The following HOXB9 variants were observed in gnomAD, a reference collection of about 807,000 sequenced individuals.
HOXB9 encodes homeobox B9.
HOXB9 carries 10 observed loss-of-function variants against 21.5 expected under a neutral mutation model. That is an observed-to-expected ratio of 0.47 (90% CI 0.29 to 0.79). The LOEUF is 0.79. Among genes scored for constraint, HOXB9 ranks in the 30% least tolerant of loss-of-function variants. The pLI is 0.10. For missense variants in HOXB9, 375 were observed against 338.7 expected (o/e 1.11, Z -0.84); for synonymous variants, 156 against 151.2 (o/e 1.03, Z -0.23).
rs368404086 is a variant in HOXB9 at position 48,626,217 on chromosome 17, T to G, written c.53A>C (p.His18Pro). 165 of 1,598,898 alleles carry G rather than the reference T, an allele frequency of 1.0e-4. No individual in the cohort carries two copies. The highest frequency in any genetic ancestry group is 1.4e-4 in the Non-Finnish European group (161 of 1,179,694). Residue 18 changes from histidine (H) to proline (P), a missense_variant, in exon 1 of 2, where the codon CAC becomes CCC. His to Pro is a moderately conservative substitution (Grantham distance 77). Transcript: ENST00000311177. ...SSYYVDSIISHESEDAPPAKF... is the reference protein window; with the variant it reads ...SSYYVDSIISPESEDAPPAKF... ...GGCTGGAGGCGCGTCCTCACTCTCG[T>G]GACTTATGATCGAGTCGACATAATA...
In HOXB9 at chr17:48,622,660, G is replaced by A. The variant is rs1440171322; in HGVS notation, c.*240C>T. The stretch of plus-strand genomic sequence containing the variant: ...TCCTTGTGGCCCATCACATTCTTAG[G>A]AACCAACTATTTCTATCTTCTAAAT... On this transcript the variant is annotated 3_prime_UTR_variant, in exon 2 of 2. Coordinates refer to ENST00000311177, the MANE Select transcript of HOXB9 (RefSeq NM_024017.5). The A allele has an allele frequency of 4.6e-6, 2 of 438,610 alleles. No homozygotes were observed. The highest frequency in any genetic ancestry group is 3.8e-5 in the Admixed American group (1 of 26,092). The allele number at this position is 438,610 out of a possible 1,614,324, so 27.2% of individuals were successfully genotyped here.
intron 1 of HOXB9, 45 bp downstream of exon 1, chr17:48,625,708 C>A (rs371142398): frequency 3.5e-6 from 5 of 1,439,528 alleles, no homozygotes; most frequent in East Asian, 2.7e-5. Flanking sequence ...CCCCGCCCCC[C>A]TCCTGGCCTT....
rs761882525 is a variant in HOXB9, at chr17:48,625,955, G to A, written c.315C>T (p.Gly105=). 3.2e-5 allele frequency: 48 copies of A among 1,485,004 alleles called. No individual in the cohort carries two copies. The South Asian group carries it at 5.0e-4, about 16-fold the overall frequency. 92.0% of individuals were successfully genotyped at this position (1,485,004 alleles called of 1,614,324 possible). ...LRTWLEPAPR[G]EAAPGQGQAA... is the part of the protein sequence containing the mutation. Reference sequence around the variant, plus strand: ...CCTGGCCCTGCCCCGGGGCCGCTTCGCCGCGCGGCGCCGGCTCCAGCCAGG... The same window carrying A: ...CCTGGCCCTGCCCCGGGGCCGCTTCACCGCGCGGCGCCGGCTCCAGCCAGG... The change falls in exon 1 of 2, where the codon GGC becomes GGT. Residue 105 remains glycine (G), a synonymous_variant. Coordinates refer to ENST00000311177, the MANE Select transcript of HOXB9 (RefSeq NM_024017.5).
At position 48,622,824 on chromosome 17, in the gene HOXB9, A is replaced by G. The variant is rs2070781395; in HGVS notation, c.*76T>C. ...TTCACTTGAATACATCCCAGACAGC[A>G]CTGGCTTTGCAGTCGTCACATAACT... On this transcript the variant is annotated 3_prime_UTR_variant, in exon 2 of 2. Transcript: ENST00000311177. The G allele has an allele frequency of 9.2e-7, 1 of 1,081,166 alleles. No individual in the cohort carries two copies. Among genetic ancestry groups the G allele is most frequent in the Non-Finnish European group, 1.4e-6 (1 of 718,344 alleles). 67.0% of individuals were successfully genotyped at this position (1,081,166 alleles called of 1,614,324 possible).
At chr17:48,624,217 C>A (rs943461235) in intron 1 of HOXB9, among the ~76,000 whole-genome samples, 1 of 152,150 alleles carries the variant, frequency 6.6e-6, no homozygotes, top group African/African-American at 2.4e-5. Flanking sequence ...GTGAAAAACA[C>A]TGGATTTTTT....
At chr17:48,625,712 T>A (rs770582746) in intron 1 of HOXB9, 41 bp downstream of exon 1, 1 of 1,430,934 alleles carries the variant, frequency 7.0e-7, no homozygotes, top group African/African-American at 1.5e-5. Context: ...GCCCCCCTCC[T>A]GGCCTTCGGC....
At chr17:48,623,823 G>C (rs2070790607) in intron 1 of HOXB9, among the ~76,000 whole-genome samples, 1 of 152,210 alleles carries the variant, frequency 6.6e-6, no homozygotes, top group Non-Finnish European at 1.5e-5. Context: ...ATCAACTCCA[G>C]CTTATGGACA....
At chr17:48,625,600 C>A (rs893041036) in intron 1 of HOXB9, among the ~76,000 whole-genome samples, 153 bp downstream of exon 1, 1 of 152,240 alleles carries the variant, frequency 6.6e-6, no homozygotes, top group African/African-American at 2.4e-5. Context: ...TTCCCCTTCC[C>A]TCCGTCTTTC....
Position 48,626,143 on chromosome 17 carries a change from C to G in HOXB9, c.127G>C (p.Glu43Gln). Residue 43 changes from glutamate (E) to glutamine (Q), a missense_variant, in exon 1 of 2, where the codon GAG becomes CAG. By Grantham distance (29) the Glu-to-Gln change is conservative (BLOSUM62 2). Coordinates refer to ENST00000311177, the MANE Select transcript of HOXB9 (RefSeq NM_024017.5). ...CTGCACGAGGGGAACTCCAGGTGCTCCGCGTGGCCCGGCTGCCGCGAGCTC... is the reference window on the plus strand; with the variant it reads ...CTGCACGAGGGGAACTCCAGGTGCTGCGCGTGGCCCGGCTGCCGCGAGCTC... The part of the protein sequence containing the change: ...YASSRQPGHA[E>Q]HLEFPSCSFQ... 6.3e-7 allele frequency: 1 copy of G among 1,593,692 alleles called. No homozygotes were observed.
In HOXB9 at chr17:48,626,101, G is replaced by T. The variant is rs1287845956; in HGVS notation, c.169C>A (p.Pro57Thr). Residue 57 changes from proline to threonine, a missense_variant, in exon 1 of 2, where the codon CCG becomes ACG. Coordinates refer to ENST00000311177, the MANE Select transcript of HOXB9 (RefSeq NM_024017.5). Reference sequence around the variant, plus strand: ...GGCGCCCAGGAGGCGCCGAACACCGGCGCTTTGGGCTGGAAGCTGCACGAG... The same window carrying T: ...GGCGCCCAGGAGGCGCCGAACACCGTCGCTTTGGGCTGGAAGCTGCACGAG... ...FPSCSFQPKA[P>T]VFGASWAPLS... 1 of 1,579,322 alleles carries T rather than the reference G, an allele frequency of 6.3e-7. No individual in the cohort carries two copies. Among genetic ancestry groups the T allele is most frequent in the South Asian group, 1.1e-5 (1 of 87,982 alleles).
rs535508340 is a variant in HOXB9 at position 48,626,216 on chromosome 17, G to C, written c.54C>G (p.His18Gln). Residue 18 changes from histidine to glutamine, a missense_variant, in exon 1 of 2, where the codon CAC becomes CAG. By Grantham distance (24) the His-to-Gln change is conservative. Transcript: ENST00000311177. ...SSYYVDSIIS[H>Q]ESEDAPPAKF... ...TGGCTGGAGGCGCGTCCTCACTCTC[G>C]TGACTTATGATCGAGTCGACATAAT... The C allele has an allele frequency of 1.2e-4, 184 of 1,599,090 alleles. 2 individuals are homozygous for C. The South Asian group carries it at 1.3e-3, about 11-fold the overall frequency.
chr17:48,623,863 A>G (rs2070790849), intron 1 of HOXB9, among the ~76,000 whole-genome samples: 1 of 152,168 alleles, frequency 6.6e-6, no homozygotes, highest in Admixed American at 6.5e-5. Flanking sequence ...CAGATAACTT[A>G]TGGTTGCAAT....
Position 48,622,971 on chromosome 17 carries a change from G to A in HOXB9, c.682C>T (p.Gln228Ter). ...VARLLNLSER[Q>*]VKIWFQNRRM... ...CGGTTCTGAAACCAGATTTTGACTT[G>A]TCTCTCACTCAGATTGAGGAGTCTG... Residue 228 changes from glutamine to a stop codon, truncating the protein, a stop_gained, in exon 2 of 2, where the codon CAA becomes TAA. Transcript: ENST00000311177. LOFTEE classifies it high-confidence loss of function. 6.2e-7 allele frequency: 1 copy of A among 1,614,156 alleles called. No individual in the cohort carries two copies. The highest frequency in any genetic ancestry group is 8.5e-7 in the Non-Finnish European group (1 of 1,180,026).
Position 48,626,084 on chromosome 17 carries a change from G to A in HOXB9, c.186C>T (p.Ser62=), listed in dbSNP as rs2070813223. 1 of 1,576,984 alleles carries A rather than the reference G, an allele frequency of 6.3e-7. No individual in the cohort carries two copies. The highest frequency in any genetic ancestry group is 1.1e-5 in the South Asian group (1 of 87,710). ...FQPKAPVFGA[S]WAPLSPHASG... is the part of the protein sequence containing the mutation. ...ACGCGTGCGGGCTCAGCGGCGCCCA[G>A]GAGGCGCCGAACACCGGCGCTTTGG... Residue 62 remains serine, a synonymous_variant, in exon 1 of 2, where the codon TCC becomes TCT. Coordinates refer to ENST00000311177, the MANE Select transcript of HOXB9 (RefSeq NM_024017.5).
At chr17:48,625,387 G>A (rs1397188568) in intron 1 of HOXB9, among the ~76,000 whole-genome samples, 1 of 152,176 alleles carries the variant, frequency 6.6e-6, no homozygotes, top group African/African-American at 2.4e-5. Context: ...CTCGCTGGCC[G>A]CTGGCCCCGG....
intron 1 of HOXB9, among the ~76,000 whole-genome samples, chr17:48,625,052 C>A (rs2070800356): frequency 6.6e-6 from 1 of 152,196 alleles, no homozygotes; most frequent in Non-Finnish European, 1.5e-5. Flanking sequence ...GTAGCCCCTG[C>A]GAGGACGCCG....
chr17:48,622,729 G>T lies in HOXB9; in HGVS notation c.*171C>A. ...ACACCTAGAGAGAAGAGAGAGACAG[G>T]TAAGGGCAAAGGAAAGGAGGGAGGT... is the stretch of plus-strand genomic sequence containing the variant. On this transcript the variant is annotated 3_prime_UTR_variant, in exon 2 of 2. Coordinates refer to ENST00000311177, the MANE Select transcript of HOXB9 (RefSeq NM_024017.5). The T allele has an allele frequency of 3.4e-6, 2 of 584,836 alleles. No individual in the cohort carries two copies. Among genetic ancestry groups the T allele is most frequent in the Non-Finnish European group, 6.1e-6 (2 of 329,626 alleles). The allele number at this position is 584,836 out of a possible 1,614,324, so 36.2% of individuals were successfully genotyped here.
At position 48,625,844 on chromosome 17, in the gene HOXB9, C is replaced by T. The variant is rs773821975; in HGVS notation, c.426G>A (p.Ala142=). ...GATTAGACAGCACGGCCTCCCTGCC[C>T]GCCGAAGTTTCCAAACTGTACTCGG... ...GTPEYSLETS[A]GREAVLSNQR... Residue 142 remains alanine (A), a synonymous_variant, in exon 1 of 2, where the codon GCG becomes GCA. Coordinates refer to ENST00000311177, the MANE Select transcript of HOXB9 (RefSeq NM_024017.5). The T allele has an allele frequency of 2.5e-6, 4 of 1,611,790 alleles. No individual in the cohort carries two copies. The East Asian group carries it at 9.0e-5, about 36-fold the overall frequency.
chr17:48,623,718 C>G (rs907785418), intron 1 of HOXB9, among the ~76,000 whole-genome samples: 1 of 152,188 alleles, frequency 6.6e-6, no homozygotes, highest in Non-Finnish European at 1.5e-5. Flanking sequence ...AATCTCCCCC[C>G]CTGCCACCAC....
Sources: allele counts gnomAD v4.1 joint callset (sites outside exome capture counted in the v4.1 genomes callset), GRCh38; gene constraint gnomAD v4.1.1; transcripts MANE v1.5; gene names NCBI Gene and HGNC (gene_info 2026-07-23, HGNC 2026-07-21).